ETV6: variants seen among roughly 807,000 people sequenced by gnomAD.
The protein encoded by ETV6 is transcription factor ETV6.
Under a neutral mutation model 51.1 loss-of-function variants are expected in ETV6, and 16 were observed. The observed-to-expected ratio is 0.31, with a 90% CI of 0.21 to 0.48. The LOEUF (loss-of-function observed/expected upper bound fraction) is 0.48, where lower values mean the gene tolerates loss of function less well. Ranked by LOEUF, ETV6 falls within the 20% of genes least tolerant of loss-of-function variation. ETV6 has a pLI of 0.99. For missense variants in ETV6, 458 were observed against 594.8 expected (o/e 0.77, Z 2.39); for synonymous variants, 240 against 224.1 (o/e 1.07, Z -0.64).
intron 5 of ETV6, among the ~76,000 whole-genome samples, chr12:11,877,898 T>C (rs1217125323): frequency 6.6e-6 from 1 of 152,240 alleles, no homozygotes; most frequent in Non-Finnish European, 1.5e-5. Flanking sequence ...TACGTGTCAC[T>C]GTCCCCCCCT....
chr12:11,861,543 A>C (rs1048261408), intron 4 of ETV6, among the ~76,000 whole-genome samples: 8 of 152,182 alleles, frequency 5.3e-5, no homozygotes, highest in African/African-American at 1.9e-4. Flanking sequence ...GGGTCCTCCA[A>C]CTGGAGGCTG....
intron 1 of ETV6, among the ~76,000 whole-genome samples, chr12:11,687,353 G>C (rs1864654485): frequency 6.8e-6 from 1 of 147,922 alleles, no homozygotes; most frequent in Admixed American, 6.9e-5. Flanking sequence ...GCTAATTTTT[G>C]TATTTTTAGT....
At chr12:11,781,888 G>A (rs976178656) in intron 2 of ETV6, among the ~76,000 whole-genome samples, 5 of 152,098 alleles carry the variant, frequency 3.3e-5, no homozygotes, top group Non-Finnish European at 7.4e-5. Context: ...TGAATGGGAC[G>A]GGACCTGTGA....
rs111527074 is a variant in ETV6, at chr12:11,692,870, C to T, written c.33+42710C>T. ...TTCAAGACCAGCCTGGGCAACATGA[C>T]GAAGCCATCTCTACAAAAAATTAGC... On this transcript the variant is annotated intron_variant, in intron 1 of 7. Coordinates refer to ENST00000396373, the MANE Select transcript of ETV6 (RefSeq NM_001987.5). 7.2e-3 allele frequency among the ~76,000 whole-genome samples: 1,088 copies of T among 151,938 alleles called. 5 individuals carry two copies. Among genetic ancestry groups the T allele is most frequent in the Middle Eastern group, 0.048 (14 of 292 alleles).
chr12:11,721,583 G>A (rs1000089732), intron 1 of ETV6, among the ~76,000 whole-genome samples: 3 of 152,198 alleles, frequency 2.0e-5, no homozygotes, highest in Non-Finnish European at 4.4e-5. Context: ...CTAGAGGGAG[G>A]AGCGGGAGGG....
intron 2 of ETV6, among the ~76,000 whole-genome samples, chr12:11,760,765 C>T (rs1319220674): frequency 2.6e-5 from 4 of 152,016 alleles, no homozygotes; most frequent in African/African-American, 7.3e-5. Flanking sequence ...TGTGTTTCTC[C>T]TTAGGAGCCA....
chr12:11,836,391 T>C (rs1450070327), intron 2 of ETV6, among the ~76,000 whole-genome samples: 1 of 152,194 alleles, frequency 6.6e-6, no homozygotes, highest in Non-Finnish European at 1.5e-5. Context: ...TCTGTCAAGA[T>C]CACTTTTGTA....
intron 4 of ETV6, among the ~76,000 whole-genome samples, chr12:11,862,043 C>G (rs999830869): frequency 6.6e-6 from 1 of 152,152 alleles, no homozygotes; most frequent in East Asian, 1.9e-4. Flanking sequence ...CTGTACTGAT[C>G]CCCTGGAAAG....
chr12:11,668,600 C>T (rs1222868210), intron 1 of ETV6, among the ~76,000 whole-genome samples: 1 of 152,118 alleles, frequency 6.6e-6, no homozygotes, highest in Non-Finnish European at 1.5e-5. Context: ...TGAACTTCTT[C>T]GATTTTTATG....
At chr12:11,860,893 G>A (rs966613841) in intron 4 of ETV6, among the ~76,000 whole-genome samples, 6 of 152,066 alleles carry the variant, frequency 3.9e-5, no homozygotes, top group Non-Finnish European at 5.9e-5. Flanking sequence ...CACCTTATAC[G>A]TAGGGAAGGG....
At chr12:11,727,623 T>TG (rs982408134) in intron 1 of ETV6, among the ~76,000 whole-genome samples, 1 of 151,628 alleles carries the variant, frequency 6.6e-6, no homozygotes, top group African/African-American at 2.4e-5. Context: ...ATTAAAAGCG[T>TG]GGGGGGAATG....
intron 2 of ETV6, among the ~76,000 whole-genome samples, chr12:11,801,780 T>C (rs1945753400): frequency 6.6e-6 from 1 of 152,158 alleles, no homozygotes; most frequent in South Asian, 2.1e-4. Context: ...TGCACCCGCA[T>C]GCATTCTTCT....
intron 2 of ETV6, among the ~76,000 whole-genome samples, chr12:11,815,028 A>C (rs1945970897): frequency 6.6e-6 from 1 of 152,180 alleles, no homozygotes; most frequent in African/African-American, 2.4e-5. Flanking sequence ...CTAACACAAC[A>C]GAAAATGATG....
intron 1 of ETV6, among the ~76,000 whole-genome samples, chr12:11,728,638 T>TAA (rs904034516): frequency 4.1e-5 from 6 of 148,128 alleles, no homozygotes; most frequent in Admixed American, 1.3e-4. Context: ...GTCTATGCCT[T>TAA]AAAAAAAAAA....
intron 1 of ETV6, among the ~76,000 whole-genome samples, chr12:11,748,901 C>T (rs1364485466): frequency 2.0e-5 from 3 of 151,988 alleles, no homozygotes; most frequent in Non-Finnish European, 4.4e-5. Flanking sequence ...TTTTTTAAAG[C>T]TTTCTATAAT....
At chr12:11,809,165 C>CAA (rs11458715) in intron 2 of ETV6, among the ~76,000 whole-genome samples, 13,960 of 132,112 alleles carry the variant, frequency 0.11, 698 homozygotes, top group South Asian at 0.12. Context: ...GACCCTGTGT[C>CAA]AAAAAAAAAA....
At chr12:11,732,684 C>T (rs1159568630) in intron 1 of ETV6, among the ~76,000 whole-genome samples, 2 of 152,128 alleles carry the variant, frequency 1.3e-5, no homozygotes, top group African/African-American at 2.4e-5. Flanking sequence ...GACACACAGA[C>T]CACCCCGTCC....
chr12:11,805,513 TAAAATACAG>T (rs1565533003), intron 2 of ETV6, among the ~76,000 whole-genome samples: 2 of 152,102 alleles, frequency 1.3e-5, no homozygotes, highest in African/African-American at 4.8e-5. Flanking sequence ...TTTGAAAGCA[TAAAATACAG>T]AAATCTGGTC....
intron 1 of ETV6, among the ~76,000 whole-genome samples, chr12:11,717,688 G>A (rs565792198): frequency 3.3e-5 from 5 of 152,238 alleles, no homozygotes; most frequent in Non-Finnish European, 5.9e-5. Flanking sequence ...TTTTGAAAAC[G>A]CATGAGAATG....
Sources: gnomAD v4.1 joint callset for allele counts (sites outside exome capture counted in the v4.1 genomes callset) on GRCh38, gnomAD v4.1.1 for gene constraint, MANE v1.5 for transcripts, NCBI Gene and HGNC (gene_info 2026-07-23, HGNC 2026-07-21) for gene names.